Variants in ASB4 observed in about 807,000 individuals in gnomAD.
ASB4 encodes ankyrin repeat and SOCS box protein 4.
Under a neutral mutation model 38.6 loss-of-function variants are expected in ASB4, and 35 were observed. That is an observed-to-expected ratio of 0.91 (90% CI 0.69 to 1.20). ASB4 has a LOEUF of 1.20. Ranked by LOEUF, ASB4 falls within the 50% of genes most tolerant of loss-of-function variation. The pLI, the probability that ASB4 is intolerant of heterozygous loss-of-function variation, is 0.00. For missense variants in ASB4, 557 were observed against 527.2 expected (o/e 1.06, Z -0.55); for synonymous variants, 195 against 201.3 (o/e 0.97, Z 0.26).
At chr7:95,471,559 A>G in the ASB4 span, among the ~76,000 whole-genome samples, 2 of 152,200 alleles carry the variant, frequency 1.3e-5, no homozygotes, top group African/African-American at 4.8e-5. Flanking sequence ...AGGCTCTTCC[A>G]ACACTGTCAG....
intron 2 of ASB4, among the ~76,000 whole-genome samples, chr7:95,515,178 TTTCTTTC>T (rs1252033676): frequency 2.2e-5 from 2 of 91,918 alleles, no homozygotes; most frequent in Non-Finnish European, 4.6e-5. Context: ...TCTTTCTTTC[TTTCTTTC>T]TTTCTTTCTT....
At chr7:95,484,278 G>T (rs1790054179), upstream of ASB4, among the ~76,000 whole-genome samples, 1 of 152,150 alleles carries the variant, frequency 6.6e-6, no homozygotes, top group South Asian at 2.1e-4. Context: ...GTTGCAGTGA[G>T]CCCAGATCAC....
At chr7:95,518,155 A>G (rs545844977) in intron 2 of ASB4, among the ~76,000 whole-genome samples, 1 of 152,320 alleles carries the variant, frequency 6.6e-6, no homozygotes, top group Non-Finnish European at 1.5e-5. Flanking sequence ...TGGTAGAAAT[A>G]ACTAGTTTTC....
intron 2 of ASB4, among the ~76,000 whole-genome samples, chr7:95,515,253 TTCTTTCTTTCTTTC>T (rs1482711998): frequency 1.4e-4 from 17 of 118,046 alleles, no homozygotes; most frequent in African/African-American, 4.9e-4. Context: ...CTTTCTTTCC[TTCTTTCTTTCTTTC>T]TCTTTCTTTC....
chr7:95,475,582 C>T (rs374824064), upstream of ASB4, among the ~76,000 whole-genome samples: 78 of 152,030 alleles, frequency 5.1e-4, no homozygotes, highest in Non-Finnish European at 1.0e-3. Context: ...TGGGGTTTCA[C>T]CATGTTGGCC....
intron 2 of ASB4, among the ~76,000 whole-genome samples, chr7:95,499,692 T>C (rs1790304665): frequency 6.6e-6 from 1 of 152,002 alleles, no homozygotes; most frequent in Non-Finnish European, 1.5e-5. Context: ...TGGAGGGGGC[T>C]GGAGGGAGGT....
intron 2 of ASB4, among the ~76,000 whole-genome samples, chr7:95,498,295 G>T (rs1203024743): frequency 1.3e-5 from 2 of 152,150 alleles, no homozygotes; most frequent in East Asian, 3.9e-4. Context: ...ACATCAGTTT[G>T]CAATCATTAC....
intron 1 of ASB4, among the ~76,000 whole-genome samples, chr7:95,487,735 T>C (rs1164321215): frequency 6.6e-6 from 1 of 152,204 alleles, no homozygotes; most frequent in Non-Finnish European, 1.5e-5. Flanking sequence ...AAATTTTCAT[T>C]CCCACGAATT....
chr7:95,531,604 T>G (rs536770108), intron 3 of ASB4, among the ~76,000 whole-genome samples: 1 of 152,314 alleles, frequency 6.6e-6, no homozygotes, highest in East Asian at 1.9e-4. Context: ...TTCTTAAACA[T>G]GTGTTGAGCA....
the ASB4 span, among the ~76,000 whole-genome samples, chr7:95,471,362 G>C: frequency 6.6e-6 from 1 of 152,094 alleles, no homozygotes; most frequent in Admixed American, 6.6e-5. Flanking sequence ...TTCTGTTCTT[G>C]CCCTTATAAT....
chr7:95,495,154 G>T (rs950366959), intron 1 of ASB4, among the ~76,000 whole-genome samples: 1 of 152,108 alleles, frequency 6.6e-6, no homozygotes, highest in Admixed American at 6.5e-5. Flanking sequence ...GTGTGTGAAA[G>T]TTGAGAGTTG....
At chr7:95,549,042 A>C in the ASB4 span, among the ~76,000 whole-genome samples, 1 of 152,152 alleles carries the variant, frequency 6.6e-6, no homozygotes, top group Non-Finnish European at 1.5e-5. Context: ...TTTTAAAACC[A>C]TTATGCTATC....
intron 2 of ASB4, among the ~76,000 whole-genome samples, chr7:95,510,975 G>T (rs952868066): frequency 6.6e-6 from 1 of 152,138 alleles, no homozygotes; most frequent in Non-Finnish European, 1.5e-5. Flanking sequence ...TTTAGCAAAA[G>T]ATATCAGACT....
At chr7:95,507,912 C>G (rs946410771) in intron 2 of ASB4, among the ~76,000 whole-genome samples, 2 of 151,988 alleles carry the variant, frequency 1.3e-5, no homozygotes, top group African/African-American at 4.8e-5. Flanking sequence ...GAAGATTATA[C>G]CAATGAGTTG....
In ASB4 at chr7:95,527,892, G is replaced by A; in HGVS notation, c.567G>A (p.Glu189=). ...CGGCTGCCCACTTCGGCCTTTCGGA[G>A]CTGGTGGCCTTCTACGTGGAACACG... is the stretch of plus-strand genomic sequence containing the variant. ...LHTAAHFGLS[E]LVAFYVEHGA... The change falls in exon 3 of 5, where the codon GAG becomes GAA. Residue 189 remains glutamate (E), a synonymous_variant. Coordinates refer to ENST00000325885, the MANE Select transcript of ASB4 (RefSeq NM_016116.3). 6.2e-7 allele frequency: 1 copy of A among 1,614,014 alleles called. No homozygotes were observed.
chr7:95,528,899 AG>A, intron 3 of ASB4: 2 of 190,330 alleles, frequency 1.1e-5, no homozygotes, highest in Non-Finnish European at 1.9e-5. Context: ...ACAGTTAAGT[AG>A]CTTACCTGAG....
Position 95,535,145 on chromosome 7 carries a change from G to T in ASB4, c.979-1292G>T, listed in dbSNP as rs757035. 9.0e-3 allele frequency among the ~76,000 whole-genome samples: 1,367 copies of T among 152,292 alleles called. 27 individuals carry two copies. Among genetic ancestry groups the T allele is most frequent in the Non-Finnish European group, 0.013 (886 of 68,028 alleles). ...ACCTTTCTGTCTCTGTTTTATCTGT[G>T]ATCCCAAGACATTAGGTCTTTACCA... On this transcript the variant is annotated intron_variant, in intron 3 of 4. Transcript: ENST00000325885.
chr7:95,497,820 A>T (rs889776474), intron 2 of ASB4, among the ~76,000 whole-genome samples: 23 of 152,172 alleles, frequency 1.5e-4, no homozygotes, highest in African/African-American at 5.3e-4. Flanking sequence ...CACTTAGCAT[A>T]ATACATTTGA....
At position 95,495,750 on chromosome 7, in the gene ASB4, T is replaced by TC; in HGVS notation, c.188-8_188-7insC. The stretch of plus-strand genomic sequence containing the variant: ...AACTTTCCTTTTCCTTTTTTTTTTT[T>TC]TTTTCAGGTTACTGGTTGCCTAGCT... On this transcript the variant is annotated splice_region_variant and splice_polypyrimidine_tract_variant and intron_variant, in intron 1 of 4. Transcript: ENST00000325885. 1 of 1,571,344 alleles carries TC rather than the reference T, an allele frequency of 6.4e-7. No homozygotes were observed. The highest frequency in any genetic ancestry group is 1.2e-5 in the South Asian group (1 of 84,132).
Sources: allele counts gnomAD v4.1 joint callset (sites outside exome capture counted in the v4.1 genomes callset), GRCh38; gene constraint gnomAD v4.1.1; transcripts MANE v1.5; gene names NCBI Gene and HGNC (gene_info 2026-07-23, HGNC 2026-07-21).